PLCB1: variants seen among roughly 807,000 people sequenced by gnomAD.
The protein encoded by PLCB1 is 1-phosphatidylinositol 4,5-bisphosphate phosphodiesterase beta-1.
In PLCB1, 46 loss-of-function variants were observed where a neutral mutation model predicts 161.8. That is an observed-to-expected ratio of 0.28 (90% CI 0.22 to 0.36). The LOEUF (loss-of-function observed/expected upper bound fraction) is 0.36, where lower values mean the gene tolerates loss of function less well. Among genes scored for constraint, PLCB1 ranks in the 10% least tolerant of loss-of-function variants. The pLI is 1.00. For synonymous variants in PLCB1, 517 were observed against 503.7 expected, an observed-to-expected ratio of 1.03 and a Z score of -0.35; for missense variants, 1,016 against 1,472.5, an observed-to-expected ratio of 0.69 and a Z score of 5.07.
At chr20:8,175,836 A>G (rs1292904921) in intron 2 of PLCB1, among the ~76,000 whole-genome samples, 6 of 152,150 alleles carry the variant, frequency 3.9e-5, no homozygotes, top group Admixed American at 3.9e-4. Flanking sequence ...AAAAACCTAA[A>G]CCAAACAATC....
rs918203215 is a variant in PLCB1, at chr20:8,884,822, G to T, written c.*2973G>T. 6.6e-6 allele frequency: 1 copy of T among 152,470 alleles called. No individual in the cohort carries two copies. The highest frequency in any genetic ancestry group is 2.4e-5 in the African/African-American group (1 of 41,370). The allele number at this position is 152,470 out of a possible 1,614,324, so 9.4% of individuals were successfully genotyped here. A position where few individuals can be genotyped will look rare whatever the true frequency, so the allele number is the denominator to read the frequency against. ...TGTAATAATTCTATGCAATTTTGTG[G>T]CATGATGTTTCTTCCACTTGTAATT... On this transcript the variant is annotated 3_prime_UTR_variant, in exon 32 of 32. Transcript: ENST00000338037.
At chr20:8,387,944 A>G (rs1477404669) in intron 3 of PLCB1, among the ~76,000 whole-genome samples, 3 of 150,818 alleles carry the variant, frequency 2.0e-5, no homozygotes, top group Non-Finnish European at 4.4e-5. Flanking sequence ...AAAAATGGTA[A>G]ATTATATATT....
intron 3 of PLCB1, among the ~76,000 whole-genome samples, chr20:8,539,518 G>A (rs547479470): frequency 6.8e-4 from 104 of 152,238 alleles, no homozygotes; most frequent in African/African-American, 2.4e-3. Flanking sequence ...TCCCTTTGAG[G>A]TCGGGAAATA....
At position 8,584,978 on chromosome 20, in the gene PLCB1, C is replaced by G. The variant is rs200058117; in HGVS notation, c.247-43316C>G. Among the ~76,000 whole-genome samples the G allele has an allele frequency of 1.4e-4, 22 of 152,286 alleles. No individual in the cohort carries two copies. In the East Asian group the frequency reaches 4.1e-3, roughly 28 times the overall value. On this transcript the variant is annotated intron_variant, in intron 3 of 31. Transcript: ENST00000338037. ...TGCTGGGATCACAGGGGTGAGCCAC[C>G]ACGCCTGGCCCTCAAGATTCTCTTT...
At chr20:8,390,752 T>C (rs1987562953) in intron 3 of PLCB1, among the ~76,000 whole-genome samples, 1 of 152,148 alleles carries the variant, frequency 6.6e-6, no homozygotes, top group Non-Finnish European at 1.5e-5. Flanking sequence ...GCACCCAGTA[T>C]GTGTCTTTGT....
intron 3 of PLCB1, among the ~76,000 whole-genome samples, chr20:8,410,774 T>C (rs1600382512): frequency 1.3e-5 from 2 of 152,238 alleles, no homozygotes; most frequent in Admixed American, 1.3e-4. Context: ...TTAAGTATCT[T>C]GAGAGGAAAA....
At chr20:8,670,112 C>A (rs1489483911) in intron 9 of PLCB1, among the ~76,000 whole-genome samples, 3 of 152,172 alleles carry the variant, frequency 2.0e-5, no homozygotes, top group African/African-American at 7.2e-5. Flanking sequence ...TTATACAAAT[C>A]CATGTTCCAA....
chr20:8,591,523 C>A (rs938336590), intron 3 of PLCB1, among the ~76,000 whole-genome samples: 3 of 152,150 alleles, frequency 2.0e-5, no homozygotes, highest in Non-Finnish European at 4.4e-5. Flanking sequence ...TCCTATGGTA[C>A]AATTTAAATT....
intron 3 of PLCB1, among the ~76,000 whole-genome samples, chr20:8,559,158 G>T (rs1208468773): frequency 6.6e-6 from 1 of 151,840 alleles, no homozygotes; most frequent in Non-Finnish European, 1.5e-5. Context: ...TACATACAAT[G>T]TATAAAGATA....
intron 14 of PLCB1, among the ~76,000 whole-genome samples, chr20:8,718,088 C>G (rs1007037420): frequency 6.6e-6 from 1 of 151,934 alleles, no homozygotes; most frequent in African/African-American, 2.4e-5. Context: ...GGCATAGTGG[C>G]ACGTACCTGT....
At chr20:8,693,913 G>T (rs923747853) in intron 10 of PLCB1, among the ~76,000 whole-genome samples, 1 of 152,208 alleles carries the variant, frequency 6.6e-6, no homozygotes, top group African/African-American at 2.4e-5. Flanking sequence ...CAGCTCCCAA[G>T]TTCAATCATG....
At position 8,452,690 on chromosome 20, in the gene PLCB1, G is replaced by T. The variant is rs558754391; in HGVS notation, c.246+81240G>T. The stretch of plus-strand genomic sequence containing the variant: ...CCCTGCAAAAGAAGCATTTGATTCT[G>T]TCCAAAGAGATGAGTACAGAAAAAG... On this transcript the variant is annotated intron_variant, in intron 3 of 31. Coordinates refer to ENST00000338037, the MANE Select transcript of PLCB1 (RefSeq NM_015192.4). 1.9e-4 allele frequency among the ~76,000 whole-genome samples: 29 copies of T among 152,292 alleles called. No individual in the cohort carries two copies. The South Asian group carries it at 6.0e-3, about 32-fold the overall frequency.
At chr20:8,549,225 G>T (rs1386021595) in intron 3 of PLCB1, among the ~76,000 whole-genome samples, 1 of 152,100 alleles carries the variant, frequency 6.6e-6, no homozygotes, top group Non-Finnish European at 1.5e-5. Context: ...AACCTGCTTT[G>T]TCAGGTACTG....
Position 8,198,753 on chromosome 20 carries a change from C to T in PLCB1, c.177+48382C>T, listed in dbSNP as rs541837299. On this transcript the variant is annotated intron_variant, in intron 2 of 31. Transcript: ENST00000338037. ...GCTAATGGCTGGTTTCTCAGCTAAT[C>T]CACCTGTCCTTCACTTCTGAAGAAC... Among the ~76,000 whole-genome samples, 3 of 152,182 alleles carry T rather than the reference C, an allele frequency of 2.0e-5. 1 individual carries two copies. In the South Asian group the frequency reaches 6.2e-4, roughly 32 times the overall value.
In PLCB1 at chr20:8,544,217, CAA is replaced by C. The variant is rs369124002; in HGVS notation, c.247-84075_247-84074del. On this transcript the variant is annotated intron_variant, in intron 3 of 31. Coordinates refer to ENST00000338037, the MANE Select transcript of PLCB1 (RefSeq NM_015192.4). ...AAGGCAGATGAGAGAACAGCTGTTG[CAA>C]AGAGTATCAGTTGAAACCAAATTTC... Among the ~76,000 whole-genome samples the C allele has an allele frequency of 3.3e-3, 497 of 152,220 alleles. 3 individuals carry two copies. The highest frequency in any genetic ancestry group is 9.8e-3 in the African/African-American group (408 of 41,536).
chr20:8,294,861 A>G (rs1185782929), intron 2 of PLCB1, among the ~76,000 whole-genome samples: 2 of 152,018 alleles, frequency 1.3e-5, no homozygotes, highest in East Asian at 3.9e-4. Flanking sequence ...ATATGTTAAT[A>G]ATGTCAACTT....
intron 31 of PLCB1, among the ~76,000 whole-genome samples, chr20:8,808,830 G>A (rs1451700698): frequency 6.6e-6 from 1 of 152,156 alleles, no homozygotes; most frequent in African/African-American, 2.4e-5. Flanking sequence ...AAGCTCATAA[G>A]AGTCCATTTT....
intron 13 of PLCB1, among the ~76,000 whole-genome samples, chr20:8,717,045 C>T: frequency 6.6e-6 from 1 of 152,210 alleles, no homozygotes; most frequent in East Asian, 1.9e-4. Flanking sequence ...ATGACCCCCT[C>T]ATGGGAAATT....
intron 2 of PLCB1, among the ~76,000 whole-genome samples, chr20:8,200,381 A>G (rs2052080361): frequency 6.6e-6 from 1 of 152,076 alleles, no homozygotes; most frequent in Non-Finnish European, 1.5e-5. Context: ...TTGGTATGAT[A>G]GGAACTGAAT....
Sources: allele counts gnomAD v4.1 joint callset (sites outside exome capture counted in the v4.1 genomes callset), GRCh38; gene constraint gnomAD v4.1.1; transcripts MANE v1.5; gene names NCBI Gene and HGNC (gene_info 2026-07-23, HGNC 2026-07-21).